Variants in JMJD1C observed in about 807,000 individuals in gnomAD.
JMJD1C encodes the protein jumonji domain containing 1C.
Under a neutral mutation model 245.3 loss-of-function variants are expected in JMJD1C, and 31 were observed. The observed-to-expected ratio is 0.13, with a 90% CI of 0.09 to 0.17. JMJD1C has a LOEUF of 0.17. JMJD1C is among the 10% of genes least tolerant of loss of function. JMJD1C has a pLI of 1.00. For synonymous variants in JMJD1C, 1,057 were observed against 1,017.4 expected (o/e 1.04, Z -0.74); for missense variants, 2,691 against 3,000.2 (o/e 0.90, Z 2.41).
chr10:63,285,199 G>A (rs750482950), intron 2 of JMJD1C, among the ~76,000 whole-genome samples: 5 of 152,082 alleles, frequency 3.3e-5, no homozygotes, highest in Non-Finnish European at 5.9e-5. Context: ...TAGCACGCAC[G>A]ACAGAAAAAG....
chr10:63,497,682 A>C (rs1010642757), intron 1 of JMJD1C, among the ~76,000 whole-genome samples: 2 of 152,212 alleles, frequency 1.3e-5, no homozygotes, highest in Non-Finnish European at 2.9e-5. Flanking sequence ...AAGTCTATGA[A>C]TGAATGGTTT....
Position 63,167,548 on chromosome 10 carries a change from A to G in JMJD1C, c.*497T>C, listed in dbSNP as rs1841967788. On this transcript the variant is annotated 3_prime_UTR_variant, in exon 26 of 26. Coordinates refer to ENST00000399262, the MANE Select transcript of JMJD1C (RefSeq NM_032776.3). ...ATATACTTTATACTTTACAAATTTT[A>G]CAATTATTTGGCAGTAATTTTCTGA... 2.0e-5 allele frequency: 3 copies of G among 152,808 alleles called. No individual in the cohort carries two copies. Among genetic ancestry groups the G allele is most frequent in the Non-Finnish European group, 1.5e-5 (1 of 68,158 alleles). The allele number at this position is 152,808 out of a possible 1,614,324, so 9.5% of individuals were successfully genotyped here.
intron 2 of JMJD1C, among the ~76,000 whole-genome samples, chr10:63,305,631 T>C (rs1021120209): frequency 1.4e-4 from 7 of 50,316 alleles, no homozygotes; most frequent in Admixed American, 9.6e-4. Context: ...CATGCTGGCG[T>C]GTGTGTGTGT....
chr10:63,436,424 T>C (rs562990619), intron 1 of JMJD1C, among the ~76,000 whole-genome samples: 6 of 152,368 alleles, frequency 3.9e-5, no homozygotes, highest in Admixed American at 3.3e-4. Flanking sequence ...TGTATGGTGG[T>C]GTAGCTGTTT....
intron 1 of JMJD1C, among the ~76,000 whole-genome samples, chr10:63,464,382 G>A (rs538226196): frequency 5.7e-4 from 86 of 152,206 alleles, no homozygotes; most frequent in Non-Finnish European, 1.0e-3. Context: ...ATATTAGGTA[G>A]ATACCTGTAC....
At chr10:63,295,997 GTGTGTGTA>G (rs1475875558) in intron 2 of JMJD1C, among the ~76,000 whole-genome samples, 2 of 67,398 alleles carry the variant, frequency 3.0e-5, no homozygotes, top group East Asian at 1.3e-3. Context: ...GTGTGTGTGT[GTGTGTGTA>G]TATATATATT....
intron 1 of JMJD1C, among the ~76,000 whole-genome samples, chr10:63,405,593 G>A (rs1465185810): frequency 6.6e-6 from 1 of 152,158 alleles, no homozygotes; most frequent in African/African-American, 2.4e-5. Flanking sequence ...AAAGTGCGGG[G>A]ATTACAGGCA....
chr10:63,422,940 C>CG (rs1564904106), intron 1 of JMJD1C, among the ~76,000 whole-genome samples: 1 of 151,168 alleles, frequency 6.6e-6, no homozygotes, highest in Admixed American at 6.6e-5. Context: ...ATGCAACTGT[C>CG]GCCACTGTTA....
intron 1 of JMJD1C, among the ~76,000 whole-genome samples, chr10:63,448,768 A>C (rs1951858090): frequency 6.6e-6 from 1 of 152,216 alleles, no homozygotes; most frequent in Admixed American, 6.5e-5. Flanking sequence ...ATATCATGCT[A>C]AACACATTGG....
intron 1 of JMJD1C, among the ~76,000 whole-genome samples, chr10:63,389,906 G>A (rs76279250): frequency 0.037 from 5,622 of 152,124 alleles, 332 homozygotes; most frequent in East Asian, 0.29. Context: ...GTGCTAAGAT[G>A]GAAGTTCATA....
At position 63,204,505 on chromosome 10, in the gene JMJD1C, T is replaced by A. The variant is rs79286033; in HGVS notation, c.5074+2090A>T. On this transcript the variant is annotated intron_variant, in intron 10 of 25. Transcript: ENST00000399262. ...GGTACCTATCTTTTGTTTTTGTTTT[T>A]TAAGTTTTACTCAAGTATCTGAACA... 2,014 of 985,428 alleles carry A rather than the reference T, an allele frequency of 2.0e-3. 31 individuals are homozygous for A. In the African/African-American group the frequency reaches 0.033, roughly 16 times the overall value. The allele number at this position is 985,428 out of a possible 1,614,324, so 61.0% of individuals were successfully genotyped here.
At chr10:63,227,265 T>TA (rs1402563548) in intron 3 of JMJD1C, among the ~76,000 whole-genome samples, 3 of 152,206 alleles carry the variant, frequency 2.0e-5, no homozygotes, top group Non-Finnish European at 2.9e-5. Context: ...ATGAAAATGT[T>TA]AAAAATATAC....
At chr10:63,341,941 G>A (rs1180979592) in intron 2 of JMJD1C, among the ~76,000 whole-genome samples, 1 of 152,212 alleles carries the variant, frequency 6.6e-6, no homozygotes, top group East Asian at 1.9e-4. Context: ...GCAGTTATGT[G>A]TGCCTGTAAC....
At chr10:63,352,637 C>CAAA (rs145589142) in intron 2 of JMJD1C, among the ~76,000 whole-genome samples, 2 of 96,704 alleles carry the variant, frequency 2.1e-5, no homozygotes, top group Admixed American at 1.1e-4. Context: ...GACTCTGTCT[C>CAAA]AAAAAAAAAA....
chr10:63,327,880 G>C lies in JMJD1C; in HGVS notation c.333+52438C>G, dbSNP rs879565061. Among the ~76,000 whole-genome samples the C allele has an allele frequency of 5.2e-4, 79 of 152,084 alleles. 2 individuals are homozygous for C. The highest frequency in any genetic ancestry group is 3.1e-3 in the Admixed American group (47 of 15,268). Reference sequence around the variant, plus strand: ...AGACGGGGTTTTTCCATGTTGGTCAGGCTGGTCTTGAACTCCTGACCTCAG... The same window carrying C: ...AGACGGGGTTTTTCCATGTTGGTCACGCTGGTCTTGAACTCCTGACCTCAG... On this transcript the variant is annotated intron_variant, in intron 2 of 25. Transcript: ENST00000399262.
intron 2 of JMJD1C, among the ~76,000 whole-genome samples, chr10:63,306,380 G>A (rs1564762636): frequency 6.6e-6 from 1 of 152,126 alleles, no homozygotes; most frequent in Admixed American, 6.6e-5. Context: ...GTGAGCCACC[G>A]TGCCCAGCCA....
chr10:63,298,574 A>T (rs536903234), intron 2 of JMJD1C, among the ~76,000 whole-genome samples: 107 of 152,304 alleles, frequency 7.0e-4, no homozygotes, highest in African/African-American at 2.4e-3. Flanking sequence ...TAATTTGATT[A>T]TATCTTCAAA....
chr10:63,351,701 C>T (rs1170738241), intron 2 of JMJD1C, among the ~76,000 whole-genome samples: 3 of 152,156 alleles, frequency 2.0e-5, no homozygotes, highest in African/African-American at 7.2e-5. Flanking sequence ...GGGCTAACTA[C>T]TCATTGGGAT....
intron 2 of JMJD1C, among the ~76,000 whole-genome samples, chr10:63,309,141 T>A (rs1378542240): frequency 6.6e-6 from 1 of 152,132 alleles, no homozygotes; most frequent in East Asian, 1.9e-4. Flanking sequence ...CTACTCAGAA[T>A]GTACTCCACC....
Sources: gnomAD v4.1 joint callset for allele counts (sites outside exome capture counted in the v4.1 genomes callset) on GRCh38, gnomAD v4.1.1 for gene constraint, MANE v1.5 for transcripts, NCBI Gene and HGNC (gene_info 2026-07-23, HGNC 2026-07-21) for gene names.